Variants in EMSY observed in about 807,000 individuals in gnomAD.
EMSY encodes EMSY transcriptional repressor, BRCA2 interacting.
EMSY carries 26 observed loss-of-function variants against 134.6 expected under a neutral mutation model. The observed-to-expected ratio is 0.19, with a 90% CI of 0.14 to 0.27. The LOEUF (loss-of-function observed/expected upper bound fraction) is 0.27, where lower values mean the gene tolerates loss of function less well. EMSY is among the 10% of genes least tolerant of loss of function. EMSY has a pLI of 1.00. For synonymous variants in EMSY, 579 were observed against 577.8 expected (o/e 1.00, Z -0.03); for missense variants, 1,305 against 1,611.4 (o/e 0.81, Z 3.26).
chr11:76,485,803 G>A (rs1949154400), intron 8 of EMSY, among the ~76,000 whole-genome samples: 1 of 152,186 alleles, frequency 6.6e-6, no homozygotes, highest in South Asian at 2.1e-4. Context: ...ACTGTTGGTG[G>A]GAGTATAAAT....
chr11:76,501,377 T>G (rs1949851114), intron 9 of EMSY, among the ~76,000 whole-genome samples: 1 of 152,134 alleles, frequency 6.6e-6, no homozygotes, highest in African/African-American at 2.4e-5. Context: ...AAAAGTACTT[T>G]GAAGTAGCCA....
chr11:76,537,645 G>C (rs547502639), intron 15 of EMSY, 150 bp from the exon 17 acceptor site: 1 of 644,634 alleles, frequency 1.6e-6, no homozygotes, highest in Non-Finnish European at 2.6e-6. Flanking sequence ...GCCATACATA[G>C]CAATCTGCTT....
chr11:76,493,231 C>A (rs981940872), intron 8 of EMSY, among the ~76,000 whole-genome samples: 2 of 152,294 alleles, frequency 1.3e-5, no homozygotes, highest in Admixed American at 1.3e-4. Flanking sequence ...AGCCCCCTGC[C>A]GCCTGAACCG....
chr11:76,535,750 G>A (rs1372999843), intron 14 of EMSY, 145 bp from the exon 16 acceptor site: 1 of 558,356 alleles, frequency 1.8e-6, no homozygotes, highest in Non-Finnish European at 2.8e-6. Context: ...GCCTTCTAGG[G>A]GCTTATAGTC....
At chr11:76,544,910 T>G in intron 19 of EMSY, 88 bp downstream of exon 20, 1 of 1,382,182 alleles carries the variant, frequency 7.2e-7, no homozygotes, top group Non-Finnish European at 9.8e-7. Flanking sequence ...ATGATATCAG[T>G]GCTTTCTCCT....
At chr11:76,458,160 G>T in intron 4 of EMSY, 23 bp from the exon 6 acceptor site, 1 of 1,580,142 alleles carries the variant, frequency 6.3e-7, no homozygotes, top group South Asian at 1.2e-5. Flanking sequence ...AACCCTTGTA[G>T]CAGCGCTTTC....
chr11:76,446,433 T>A (rs1247492949), intron 1 of EMSY, among the ~76,000 whole-genome samples: 1 of 151,920 alleles, frequency 6.6e-6, no homozygotes, highest in African/African-American at 2.4e-5. Flanking sequence ...TAAGTTTCTT[T>A]AACTTGCTAG....
chr11:76,458,933 A>T (rs954363300), intron 5 of EMSY: 3 of 152,140 alleles, frequency 2.0e-5, no homozygotes, highest in Non-Finnish European at 4.4e-5. Context: ...TGACTCAAGT[A>T]GTTTAGTTTG....
At chr11:76,546,906 G>T (rs1951674397) in intron 20 of EMSY, 1 of 280,784 alleles carries the variant, frequency 3.6e-6, no homozygotes, top group Non-Finnish European at 7.0e-6. Flanking sequence ...AAAAAATCTT[G>T]TTTGGTTTCT....
intron 14 of EMSY, 137 bp downstream of exon 15, chr11:76,528,603 T>TA (rs59004370): frequency 1.8e-4 from 107 of 592,258 alleles, no homozygotes; most frequent in Middle Eastern, 4.8e-4. Flanking sequence ...TTTTTTTTTT[T>TA]ATTGTTTGAT....
At chr11:76,551,276 T>C (rs193249091) in exon 21 of EMSY, 1 of 152,834 alleles carries the variant, frequency 6.5e-6, no homozygotes, top group African/African-American at 2.4e-5. Context: ...GTAAGAGTTT[T>C]GACAAGTTGT....
In EMSY at chr11:76,472,675, A is replaced by G. The variant is rs1046963096; in HGVS notation, c.943A>G (p.Thr315Ala). 6 of 1,614,096 alleles carry G rather than the reference A, an allele frequency of 3.7e-6. No homozygotes were observed. The African/African-American group carries it at 8.0e-5, about 22-fold the overall frequency. Reference sequence around the variant, plus strand: ...TGTACCAACGTCAGTCATTGCTTCTACAACCCAGAAGCCACCAGTTGTTAT... The same window carrying G: ...TGTACCAACGTCAGTCATTGCTTCTGCAACCCAGAAGCCACCAGTTGTTAT... The change falls in exon 8 of 21, where the codon ACA (threonine) becomes GCA (alanine). Residue 315 changes from threonine (T) to alanine (A), a missense_variant. By Grantham distance (58) the Thr-to-Ala change is moderately conservative. This residue lies in a region of EMSY where 180 missense variants were observed against 171.1 expected (regional missense o/e 1.05). Transcript: ENST00000334736.
intron 6 of EMSY, among the ~76,000 whole-genome samples, chr11:76,462,805 A>G (rs190515730): frequency 8.5e-4 from 129 of 152,302 alleles, no homozygotes; most frequent in Non-Finnish European, 1.6e-3. Flanking sequence ...GTCTTGAATG[A>G]TATGGTAATG....
At position 76,458,377 on chromosome 11, in the gene EMSY, C is replaced by T. The variant is rs1031377164; in HGVS notation, c.421+19C>T. 2 of 1,576,346 alleles carry T rather than the reference C, an allele frequency of 1.3e-6. No individual in the cohort carries two copies. Among genetic ancestry groups the T allele is most frequent in the African/African-American group, 1.4e-5 (1 of 73,038 alleles). ...AAGGAAGGTGAGTAGAAAAATATGC[C>T]TGTGTTAGAGATTACTTTTCTTAGA... On this transcript the variant is annotated intron_variant, in intron 5 of 20. Transcript: ENST00000334736.
intron 8 of EMSY, among the ~76,000 whole-genome samples, chr11:76,488,898 A>G (rs1004803603): frequency 2.6e-5 from 4 of 152,230 alleles, no homozygotes; most frequent in Non-Finnish European, 4.4e-5. Flanking sequence ...AAAAAGAGAG[A>G]ATCCCCTTCT....
At chr11:76,448,111 T>A (rs572896693) in intron 2 of EMSY, among the ~76,000 whole-genome samples, 1 of 152,316 alleles carries the variant, frequency 6.6e-6, no homozygotes, top group East Asian at 1.9e-4. Context: ...CTCATTAGTT[T>A]GTTACGTGTG....
intron 1 of EMSY, among the ~76,000 whole-genome samples, chr11:76,445,835 C>A (rs1417264742): frequency 6.6e-6 from 1 of 152,154 alleles, no homozygotes; most frequent in African/African-American, 2.4e-5. Context: ...CCTTCTTCCT[C>A]CTCCCCACCC....
intron 7 of EMSY, among the ~76,000 whole-genome samples, chr11:76,467,902 C>G (rs570081508): frequency 1.3e-5 from 2 of 151,912 alleles, no homozygotes; most frequent in Non-Finnish European, 2.9e-5. Context: ...TCGCTTGAAC[C>G]CGGGAGACAG....
chr11:76,511,745 A>C (rs1437104650), intron 9 of EMSY, among the ~76,000 whole-genome samples: 1 of 152,126 alleles, frequency 6.6e-6, no homozygotes, highest in Non-Finnish European at 1.5e-5. Context: ...TTCACTAATG[A>C]AATAAATACT....
Sources: allele counts gnomAD v4.1 joint callset (sites outside exome capture counted in the v4.1 genomes callset), GRCh38; gene constraint gnomAD v4.1.1; regional missense constraint gnomAD v4.1.1; transcripts MANE v1.5; gene names NCBI Gene and HGNC (gene_info 2026-07-23, HGNC 2026-07-21).